PRELID2: variants seen among roughly 807,000 people sequenced by gnomAD.
PRELID2 encodes PRELI domain-containing protein 2.
A neutral mutation model predicts 28.4 loss-of-function variants in PRELID2; 25 were observed. The ratio of observed to expected loss-of-function variants is 0.88; its 90% CI spans 0.64 to 1.23. PRELID2 has a LOEUF of 1.23. Among genes scored for constraint, PRELID2 ranks in the 50% most tolerant of loss-of-function variants. The pLI is 0.00. For missense variants in PRELID2, 201 were observed against 214.4 expected, an observed-to-expected ratio of 0.94 and a Z score of 0.39; for synonymous variants, 76 against 71.6, an observed-to-expected ratio of 1.06 and a Z score of -0.31.
the PRELID2 span, among the ~76,000 whole-genome samples, chr5:145,454,833 T>C: frequency 6.0e-4 from 91 of 152,294 alleles, no homozygotes; most frequent in African/African-American, 1.9e-3. Context: ...ATTGTTTGCT[T>C]TTTTCTTGTA....
chr5:145,232,369 G>A, the PRELID2 span, among the ~76,000 whole-genome samples: 1 of 152,134 alleles, frequency 6.6e-6, no homozygotes. Flanking sequence ...GCTTGCCTGA[G>A]GTCAGCCAGC....
the PRELID2 span, among the ~76,000 whole-genome samples, chr5:145,364,286 A>G: frequency 6.6e-6 from 1 of 151,920 alleles, no homozygotes. Context: ...TGAAAATTTG[A>G]TTATATTTTT....
In PRELID2 at chr5:145,757,878, G is replaced by C. The variant is rs1440484027; in HGVS notation, c.*2658C>G. On this transcript the variant is annotated 3_prime_UTR_variant, in exon 7 of 7. Transcript: ENST00000683046. ...CATATATGTGAAGCTGGAAGCAATA[G>C]CTGCCTGCAGGGGGAAAATTACTGA... 5.3e-5 allele frequency among the ~76,000 whole-genome samples: 8 copies of C among 151,372 alleles called. No homozygotes were observed. Among genetic ancestry groups the C allele is most frequent in the Non-Finnish European group, 1.2e-4 (8 of 67,902 alleles).
In PRELID2 at chr5:145,630,596, T is replaced by G. The variant is rs150710405; in HGVS notation, n.70+134335A>C. ...CGTGTTCTTCCTTGTATCTGGTTGT[T>G]AGCCAAGATAAGAAAAGCCAGAGTC... On this transcript the variant is annotated intron_variant and non_coding_transcript_variant, in intron 1 of 2. Coordinates refer to the PRELID2 transcript ENST00000510259. Among the ~76,000 whole-genome samples the G allele has an allele frequency of 4.1e-3, 620 of 152,296 alleles. 2 individuals are homozygous for G. Among genetic ancestry groups the G allele is most frequent in the African/African-American group, 0.014 (602 of 41,560 alleles).
intron 1 of PRELID2, among the ~76,000 whole-genome samples, chr5:145,662,703 G>A (rs1754517647): frequency 6.6e-6 from 1 of 152,040 alleles, no homozygotes; most frequent in African/African-American, 2.4e-5. Context: ...AGAAATCTGA[G>A]CTAGCATGTG....
At chr5:145,338,847 C>T in the PRELID2 span, among the ~76,000 whole-genome samples, 2 of 152,214 alleles carry the variant, frequency 1.3e-5, no homozygotes, top group African/African-American at 4.8e-5. Context: ...GTACTATTCA[C>T]TATGCCCTTG....
At chr5:145,755,203 G>A (rs941801941), downstream of PRELID2, among the ~76,000 whole-genome samples, 3 of 152,194 alleles carry the variant, frequency 2.0e-5, no homozygotes. Context: ...CAGAGCAAAG[G>A]TCGTGGCAAC....
At chr5:145,350,617 T>C in the PRELID2 span, among the ~76,000 whole-genome samples, 1 of 152,182 alleles carries the variant, frequency 6.6e-6, no homozygotes, top group Non-Finnish European at 1.5e-5. Context: ...TAATTTTTCA[T>C]ACATGATTTC....
chr5:145,814,493 T>A (rs775438942), intron 4 of PRELID2, among the ~76,000 whole-genome samples: 17 of 151,904 alleles, frequency 1.1e-4, no homozygotes, highest in Non-Finnish European at 1.9e-4. Flanking sequence ...CTGATGCCAA[T>A]AAGACATGGC....
At chr5:145,403,784 T>C in the PRELID2 span, among the ~76,000 whole-genome samples, 1 of 152,128 alleles carries the variant, frequency 6.6e-6, no homozygotes, top group Non-Finnish European at 1.5e-5. Context: ...CAAATGAGAA[T>C]TGGGGGATCC....
rs540323851 is a variant in PRELID2, at chr5:145,792,684, T to C, written c.474+3758A>G. The stretch of plus-strand genomic sequence containing the variant: ...TGCTGGTGGAATTGAACTTAAAATC[T>C]AGTTGTCTAGACTGTATGTGTTTAC... On this transcript the variant is annotated intron_variant, in intron 5 of 6. Transcript: ENST00000683046. 3.3e-5 allele frequency among the ~76,000 whole-genome samples: 5 copies of C among 152,276 alleles called. No homozygotes were observed. In the South Asian group the frequency reaches 8.3e-4, roughly 25 times the overall value.
chr5:145,475,686 T>G (rs1325084760), intron 1 of PRELID2, among the ~76,000 whole-genome samples: 1 of 152,194 alleles, frequency 6.6e-6, no homozygotes, highest in African/African-American at 2.4e-5. Flanking sequence ...ATTTCTTGTT[T>G]GAAAAGAATA....
intron 1 of PRELID2, among the ~76,000 whole-genome samples, chr5:145,642,741 C>T (rs1243431281): frequency 1.3e-5 from 2 of 152,136 alleles, no homozygotes; most frequent in African/African-American, 2.4e-5. Flanking sequence ...TATGGCTAGC[C>T]AGCTTTTTCA....
At chr5:145,791,600 T>G (rs939008540) in intron 5 of PRELID2, among the ~76,000 whole-genome samples, 1 of 152,146 alleles carries the variant, frequency 6.6e-6, no homozygotes, top group African/African-American at 2.4e-5. Context: ...TATTGTTTAA[T>G]GGCTAAGGAG....
At chr5:145,563,385 G>A (rs564722093) in intron 1 of PRELID2, among the ~76,000 whole-genome samples, 2 of 152,272 alleles carry the variant, frequency 1.3e-5, no homozygotes, top group Admixed American at 1.3e-4. Context: ...TGGAGCCACT[G>A]CCCTTGGATT....
intron 1 of PRELID2, among the ~76,000 whole-genome samples, chr5:145,478,665 A>AAATT (rs1211295239): frequency 6.6e-6 from 1 of 152,238 alleles, no homozygotes; most frequent in African/African-American, 2.4e-5. Flanking sequence ...CATATTATTG[A>AAATT]AATTAATTTT....
the PRELID2 span, among the ~76,000 whole-genome samples, chr5:145,354,847 TG>T: frequency 6.6e-6 from 1 of 152,154 alleles, no homozygotes; most frequent in South Asian, 2.1e-4. Flanking sequence ...CCTAATCAAC[TG>T]GGCAAATTAA....
chr5:145,587,695 C>T (rs1008444322), intron 1 of PRELID2, among the ~76,000 whole-genome samples: 4 of 152,118 alleles, frequency 2.6e-5, no homozygotes, highest in African/African-American at 7.2e-5. Flanking sequence ...ATAAGGTACA[C>T]CAAGCAAACT....
At chr5:145,542,569 A>G (rs1022631129) in intron 1 of PRELID2, among the ~76,000 whole-genome samples, 3 of 152,148 alleles carry the variant, frequency 2.0e-5, no homozygotes, top group Non-Finnish European at 4.4e-5. Context: ...AAGAATGAAT[A>G]AAGATTTTGA....
Sources: gnomAD v4.1 joint callset for allele counts (sites outside exome capture counted in the v4.1 genomes callset) on GRCh38, gnomAD v4.1.1 for gene constraint, MANE v1.5 for transcripts, NCBI Gene and HGNC (gene_info 2026-07-23, HGNC 2026-07-21) for gene names.